Variants in RBPJ observed in about 807,000 individuals in gnomAD.
RBPJ encodes recombination signal binding protein for immunoglobulin kappa J region.
In RBPJ, 9 loss-of-function variants were observed where a neutral mutation model predicts 67.8. The observed-to-expected ratio is 0.13, with a 90% CI of 0.08 to 0.23. The LOEUF (loss-of-function observed/expected upper bound fraction) is 0.23, where lower values mean the gene tolerates loss of function less well. Among genes scored for constraint, RBPJ ranks in the 10% least tolerant of loss-of-function variants. The pLI is 1.00. For missense variants in RBPJ, 305 were observed against 595.6 expected (o/e 0.51, Z 5.08); for synonymous variants, 198 against 203.3 (o/e 0.97, Z 0.22).
intron 2 of RBPJ, among the ~76,000 whole-genome samples, chr4:26,387,444 G>A (rs2109640946): frequency 1.3e-5 from 2 of 152,078 alleles, no homozygotes; most frequent in South Asian, 4.2e-4. Context: ...TAATAAATGG[G>A]GCAAAGAGGA....
chr4:26,388,258 C>G (rs1283758910), intron 2 of RBPJ, among the ~76,000 whole-genome samples: 2 of 152,060 alleles, frequency 1.3e-5, no homozygotes. Flanking sequence ...CCTTGGCCTC[C>G]CAAAATGCTG....
the RBPJ span, among the ~76,000 whole-genome samples, chr4:26,130,779 A>G: frequency 2.6e-5 from 4 of 152,210 alleles, no homozygotes; most frequent in African/African-American, 7.2e-5. Flanking sequence ...CTGAAAATGT[A>G]CAAATATAAA....
chr4:26,250,734 T>C (rs968518917), intron 1 of RBPJ, among the ~76,000 whole-genome samples: 7 of 152,356 alleles, frequency 4.6e-5, no homozygotes, highest in African/African-American at 1.7e-4. Context: ...CTTTGGGTTA[T>C]TGTAAATAAT....
chr4:26,220,848 G>A (rs1246790186), intron 1 of RBPJ, among the ~76,000 whole-genome samples: 1 of 152,224 alleles, frequency 6.6e-6, no homozygotes, highest in Non-Finnish European at 1.5e-5. Flanking sequence ...CTGGCCTGAG[G>A]TCCAGGATTT....
In RBPJ at chr4:26,428,761, A is replaced by C. The variant is rs1735929792; in HGVS notation, c.789A>C (p.Ala263=). 6.2e-7 allele frequency: 1 copy of C among 1,610,084 alleles called. No homozygotes were observed. Among genetic ancestry groups the C allele is most frequent in the African/African-American group, 1.3e-5 (1 of 74,834 alleles). The change falls in exon 8 of 11, where the codon GCA becomes GCC. Residue 263 remains alanine, a synonymous_variant. Transcript: ENST00000355476. ...ATAAGCAGACCGCATTATTGGATGC[A>C]GATGATCCTGTGTCACAACTCCATA... ...KVDKQTALLD[A]DDPVSQLHKC... is the part of the protein sequence containing the mutation.
intron 1 of RBPJ, among the ~76,000 whole-genome samples, chr4:26,375,700 A>G (rs1456497920): frequency 2.6e-5 from 4 of 152,184 alleles, no homozygotes; most frequent in African/African-American, 7.2e-5. Flanking sequence ...CCATAATCAC[A>G]TTGTGGATTT....
chr4:26,250,786 T>C (rs1264560535), intron 1 of RBPJ, among the ~76,000 whole-genome samples: 1 of 152,246 alleles, frequency 6.6e-6, no homozygotes, highest in Non-Finnish European at 1.5e-5. Context: ...TGGGTCCCTG[T>C]TTTCAATTCT....
At chr4:26,362,661 G>A (rs544235436) in intron 1 of RBPJ, 2 of 1,565,712 alleles carry the variant, frequency 1.3e-6, no homozygotes, top group South Asian at 1.1e-5. Flanking sequence ...TGACCCCAAG[G>A]TCATGGATAG....
At position 26,225,807 on chromosome 4, in the gene RBPJ, A is replaced by G. The variant is rs75323316; in HGVS notation, c.-167+62193A>G. On this transcript the variant is annotated intron_variant, in intron 1 of 4. Coordinates refer to the RBPJ transcript ENST00000512351. ...AAAATTCAAGGGCAAACACTAATAA[A>G]ATAGAAGCAGGATATTTTCCACTGC... Among the ~76,000 whole-genome samples the G allele has an allele frequency of 1.2e-4, 19 of 152,256 alleles. No individual in the cohort carries two copies. In the East Asian group the frequency reaches 3.5e-3, roughly 28 times the overall value.
In RBPJ at chr4:26,428,966, G is replaced by A. The variant is rs958523853; in HGVS notation, c.888+106G>A. 2.3e-4 allele frequency: 189 copies of A among 805,800 alleles called. 1 individual carries two copies. Among genetic ancestry groups the A allele is most frequent in the Non-Finnish European group, 4.3e-5 (21 of 489,694 alleles). 49.9% of individuals were successfully genotyped at this position (805,800 alleles called of 1,614,324 possible). A position where few individuals can be genotyped will look rare whatever the true frequency, so the allele number is the denominator to read the frequency against. On this transcript the variant is annotated intron_variant, in intron 8 of 10. Transcript: ENST00000355476. ...TGCTGTTAATTATATACAAATACAT[G>A]AAGCTATACACAGATATTTATCTCA...
intron 1 of RBPJ, among the ~76,000 whole-genome samples, chr4:26,325,403 C>T (rs1723517455): frequency 6.6e-6 from 1 of 152,150 alleles, no homozygotes; most frequent in Non-Finnish European, 1.5e-5. Context: ...TAGCAGCGTT[C>T]ATTAAGAGAG....
At chr4:26,139,061 G>A in the RBPJ span, among the ~76,000 whole-genome samples, 1 of 152,230 alleles carries the variant, frequency 6.6e-6, no homozygotes, top group Admixed American at 6.5e-5. Context: ...AGCACCTGAG[G>A]TTCCGAGAGG....
At chr4:26,220,571 A>G (rs780071414) in intron 1 of RBPJ, among the ~76,000 whole-genome samples, 1 of 152,002 alleles carries the variant, frequency 6.6e-6, no homozygotes, top group Non-Finnish European at 1.5e-5. Flanking sequence ...CAGGTCTTGA[A>G]CTCCGGTCAC....
In RBPJ at chr4:26,407,751, T is replaced by A. The variant is rs912594756; in HGVS notation, c.155+1481T>A. ...TAGAGATTGTGACATAAAGGAAACC[T>A]CAGCTTATGCTTAAGAGAAGGGAAA... On this transcript the variant is annotated intron_variant, in intron 3 of 10. Coordinates refer to ENST00000355476, the MANE Select transcript of RBPJ (RefSeq NM_015874.6). Among the ~76,000 whole-genome samples the A allele has an allele frequency of 3.9e-5, 6 of 152,158 alleles. No individual in the cohort carries two copies. In the South Asian group the frequency reaches 1.2e-3, roughly 31 times the overall value.
At chr4:26,122,843 A>T in the RBPJ span, among the ~76,000 whole-genome samples, 3 of 152,188 alleles carry the variant, frequency 2.0e-5, no homozygotes, top group Non-Finnish European at 1.5e-5. Flanking sequence ...GCCATAAATA[A>T]TACAAAAAGG....
intron 1 of RBPJ, among the ~76,000 whole-genome samples, chr4:26,166,898 G>T (rs1716329442): frequency 6.6e-6 from 1 of 152,180 alleles, no homozygotes; most frequent in South Asian, 2.1e-4. Flanking sequence ...TTTGTATAAG[G>T]TGTAAGGAAG....
intron 1 of RBPJ, among the ~76,000 whole-genome samples, chr4:26,365,568 T>C (rs1031857633): frequency 6.6e-6 from 1 of 152,268 alleles, no homozygotes; most frequent in Non-Finnish European, 1.5e-5. Flanking sequence ...AACTTCTGTT[T>C]AGTTTTATCA....
the RBPJ span, among the ~76,000 whole-genome samples, chr4:26,109,579 C>CTCTCTATATATATA: frequency 1.0e-4 from 3 of 29,392 alleles, 1 homozygote; most frequent in African/African-American, 6.3e-4. Context: ...CTCTCTCTCT[C>CTCTCTATATATATA]TATATATATA....
intron 1 of RBPJ, among the ~76,000 whole-genome samples, chr4:26,191,257 G>GGA (rs1560204286): frequency 3.2e-4 from 37 of 116,350 alleles, no homozygotes; most frequent in African/African-American, 1.1e-3. Flanking sequence ...AGAGAGAGAG[G>GGA]GAGAGAGGGA....
Sources: gnomAD v4.1 joint callset for allele counts (sites outside exome capture counted in the v4.1 genomes callset) on GRCh38, gnomAD v4.1.1 for gene constraint, MANE v1.5 for transcripts, NCBI Gene and HGNC (gene_info 2026-07-23, HGNC 2026-07-21) for gene names.